Variants in RASGRP4 observed in about 807,000 individuals in gnomAD.
The protein encoded by RASGRP4 is RAS guanyl releasing protein 4.
In RASGRP4, 52 loss-of-function variants were observed where a neutral mutation model predicts 84.4. The observed-to-expected ratio is 0.62, with a 90% confidence interval of 0.49 to 0.78. RASGRP4 has a LOEUF of 0.78. Among genes scored for constraint, RASGRP4 ranks in the 30% least tolerant of loss-of-function variants. The probability of loss-of-function intolerance (pLI) is 0.00; values close to 1 mark genes in which losing one functional copy is unlikely to be tolerated. For missense variants in RASGRP4, 760 were observed against 886.9 expected, an observed-to-expected ratio of 0.86 and a Z score of 1.82; for synonymous variants, 356 against 359.1, an observed-to-expected ratio of 0.99 and a Z score of 0.10.
chr19:38,409,963 GC>G lies in RASGRP4; in HGVS notation c.*76del. ...TGCCTCTGGAGGCCTACCTCTGGGA[GC>G]CCTGCCAGAGTCTGACGGCAGGACT... On this transcript the variant is annotated 3_prime_UTR_variant, in exon 17 of 17. Transcript: ENST00000615439. The G allele has an allele frequency of 8.2e-7, 1 of 1,212,996 alleles. No homozygotes were observed. Among genetic ancestry groups the G allele is most frequent in the Non-Finnish European group, 1.2e-6 (1 of 851,942 alleles). The allele number at this position is 1,212,996 out of a possible 1,614,324, so 75.1% of individuals were successfully genotyped here. A position where few individuals can be genotyped will look rare whatever the true frequency, so the allele number is the denominator to read the frequency against.
Position 38,412,974 on chromosome 19 carries a change from A to G in RASGRP4, c.1492T>C (p.Phe498Leu). The G allele has an allele frequency of 6.2e-7, 1 of 1,613,992 alleles. No individual in the cohort carries two copies. Among genetic ancestry groups the G allele is most frequent in the Non-Finnish European group, 8.5e-7 (1 of 1,179,878 alleles). The change falls in exon 12 of 17, where the codon TTT (phenylalanine) becomes CTT (leucine). Residue 498 changes from phenylalanine (F) to leucine (L), a missense_variant. By Grantham distance (22) the Phe-to-Leu change is conservative. Coordinates refer to ENST00000615439, the MANE Select transcript of RASGRP4 (RefSeq NM_170604.3). The surrounding 1 kb of genome is among the most constrained non-coding windows in gnomAD (Gnocchi z 4.6). The stretch of plus-strand genomic sequence containing the variant: ...TGAAGCCCATGGCAGGCGAAGGGAA[A>G]ATTGCCCGAGAGTCGCTCAAAGTCC... Reference protein sequence around the residue: ...QEDFERLSGNFPFACHGLHPP... With the variant: ...QEDFERLSGNLPFACHGLHPP...
chr19:38,424,113 T>TTTTC (rs890671598), intron 1 of RASGRP4, among the ~76,000 whole-genome samples: 18 of 152,044 alleles, frequency 1.2e-4, no homozygotes, highest in South Asian at 4.2e-4. Context: ...GGGATTTCTT[T>TTTTC]TTTCTTTCTT....
chr19:38,410,080 A>G lies in RASGRP4; in HGVS notation c.1982T>C (p.Met661Thr), dbSNP rs1971160407. ...WETDTVPCPV[M>T]DPPSTASSKL... Reference sequence around the variant, plus strand: ...GGAGGATGCAGTTGATGGTGGGTCCATCACCGGGCAGGGGACCTGGAAGGA... The same window carrying G: ...GGAGGATGCAGTTGATGGTGGGTCCGTCACCGGGCAGGGGACCTGGAAGGA... Residue 661 changes from methionine to threonine, a missense_variant, in exon 17 of 17, where the codon ATG becomes ACG. Met to Thr is a moderately conservative substitution (Grantham distance 81). Transcript: ENST00000615439. 2 of 1,612,188 alleles carry G rather than the reference A, an allele frequency of 1.2e-6. No individual in the cohort carries two copies. The highest frequency in any genetic ancestry group is 1.7e-6 in the Non-Finnish European group (2 of 1,179,112).
chr19:38,410,716 T>G (rs1971205272), intron 16 of RASGRP4, among the ~76,000 whole-genome samples, 170 bp downstream of exon 16: 1 of 152,124 alleles, frequency 6.6e-6, no homozygotes, highest in African/African-American at 2.4e-5. Flanking sequence ...ACCCAGCCTA[T>G]TTTTCTATCA....
Position 38,410,071 on chromosome 19 carries a change from G to A in RASGRP4, c.1991C>T (p.Pro664Leu), listed in dbSNP as rs771612485. 5 of 1,612,240 alleles carry A rather than the reference G, an allele frequency of 3.1e-6. No individual in the cohort carries two copies. The Admixed American group carries it at 5.0e-5, about 16-fold the overall frequency. Residue 664 changes from proline (P) to leucine (L), a missense_variant, in exon 17 of 17, where the codon CCA becomes CTA. Coordinates refer to ENST00000615439, the MANE Select transcript of RASGRP4 (RefSeq NM_170604.3). ...DTVPCPVMDP[P>L]STASSKLDS ...ATCCAGCTTGGAGGATGCAGTTGAT[G>A]GTGGGTCCATCACCGGGCAGGGGAC... is the stretch of plus-strand genomic sequence containing the variant.
At position 38,418,159 on chromosome 19, in the gene RASGRP4, TGTCAC is replaced by T. The variant is rs368228819; in HGVS notation, c.837+227_837+231del. Among the ~76,000 whole-genome samples, 686 of 151,984 alleles carry T rather than the reference TGTCAC, an allele frequency of 4.5e-3. 5 individuals carry two copies. Among genetic ancestry groups the T allele is most frequent in the African/African-American group, 0.016 (661 of 41,442 alleles). Reference sequence around the variant, plus strand: ...TATTCGGGCATAGGGCTTGGGAGCCTGTCACGTCTAGGGCCAAGGGGTGGGGCCAC... The same window carrying T: ...TATTCGGGCATAGGGCTTGGGAGCCTGTCTAGGGCCAAGGGGTGGGGCCAC... On this transcript the variant is annotated intron_variant, in intron 7 of 16. Transcript: ENST00000615439. This position sits in a 1 kb window ranked among gnomAD's most constrained non-coding sequence, Gnocchi z 4.6.
Position 38,417,305 on chromosome 19 carries a change from G to T in RASGRP4, c.838-137C>A. The T allele has an allele frequency of 1.5e-6, 1 of 656,084 alleles. No homozygotes were observed. Among genetic ancestry groups the T allele is most frequent in the South Asian group, 1.7e-5 (1 of 57,496 alleles). The allele number at this position is 656,084 out of a possible 1,614,324, so 40.6% of individuals were successfully genotyped here. A position where few individuals can be genotyped will look rare whatever the true frequency, so the allele number is the denominator to read the frequency against. ...GGGATCAGACAGGTGAGAGAAGGCG[G>T]GTGTGTGCGGCAAGAGTGGGACATG... is the stretch of plus-strand genomic sequence containing the variant. On this transcript the variant is annotated intron_variant, in intron 7 of 16. Transcript: ENST00000615439. The surrounding 1 kb of genome is among the most constrained non-coding windows in gnomAD (Gnocchi z 5.1).
At chr19:38,422,822 T>G (rs1230667461) in intron 1 of RASGRP4, among the ~76,000 whole-genome samples, 2 of 151,992 alleles carry the variant, frequency 1.3e-5, no homozygotes, top group Non-Finnish European at 2.9e-5. Flanking sequence ...AGGATACATG[T>G]AATTAACTTG....
chr19:38,410,127 CAG>C, intron 16 of RASGRP4, 31 bp from the exon 17 acceptor site: 1 of 1,584,038 alleles, frequency 6.3e-7, no homozygotes, highest in Non-Finnish European at 8.7e-7. Flanking sequence ...AGAAAGATGA[CAG>C]ATGATGTGGG....
In RASGRP4 at chr19:38,412,808, G is replaced by C; in HGVS notation, c.1544C>G (p.Ser515Cys). The change falls in exon 13 of 17, where the codon TCC (serine) becomes TGC (cysteine). Residue 515 changes from serine to cysteine, a missense_variant. Ser to Cys is a moderately radical substitution (Grantham distance 112). Transcript: ENST00000615439. The surrounding 1 kb of genome is among the most constrained non-coding windows in gnomAD (Gnocchi z 4.6). ...CCCTGTCAGCTCCTCTCTGCTGAAG[G>C]ATCCTCTCCTGGGGGCAGAAACTGA... ...LHPPPRQGRG[S>C]FSREELTGYL... The C allele has an allele frequency of 6.2e-7, 1 of 1,608,178 alleles. No homozygotes were observed.
chr19:38,409,904 G>T lies in RASGRP4; in HGVS notation c.*136C>A. ...ACTTCCAGGGAAAAAGATGACGGAC[G>T]TACCACTAAAGGCAGTGTGGATGGG... On this transcript the variant is annotated 3_prime_UTR_variant, in exon 17 of 17. Coordinates refer to ENST00000615439, the MANE Select transcript of RASGRP4 (RefSeq NM_170604.3). 1 of 605,102 alleles carries T rather than the reference G, an allele frequency of 1.7e-6. No homozygotes were observed. Among genetic ancestry groups the T allele is most frequent in the Non-Finnish European group, 2.9e-6 (1 of 340,338 alleles). 37.5% of individuals were successfully genotyped at this position (605,102 alleles called of 1,614,324 possible).
At chr19:38,425,834 G>A (rs1211976794) in intron 1 of RASGRP4, among the ~76,000 whole-genome samples, 2 of 152,166 alleles carry the variant, frequency 1.3e-5, no homozygotes, top group African/African-American at 4.8e-5. Context: ...GTGATGAGGA[G>A]TGGAAAAGGG....
intron 16 of RASGRP4, among the ~76,000 whole-genome samples, chr19:38,410,414 C>CTTTTTTTTT (rs1001083743): frequency 7.4e-6 from 1 of 136,052 alleles, no homozygotes; most frequent in African/African-American, 2.8e-5. Flanking sequence ...TTCTATTTTT[C>CTTTTTTTTT]TTTTTTTTTT....
chr19:38,418,272 G>A lies in RASGRP4; in HGVS notation c.837+119C>T, dbSNP rs1971587313. On this transcript the variant is annotated intron_variant, in intron 7 of 16. Coordinates refer to ENST00000615439, the MANE Select transcript of RASGRP4 (RefSeq NM_170604.3). The surrounding 1 kb of genome is among the most constrained non-coding windows in gnomAD (Gnocchi z 4.6). ...ATGCCCAGGCTGTGGCCTCGGGGGCGGGGCCGGGAGATGCGTGACGTCACC... is the reference window on the plus strand; with the variant it reads ...ATGCCCAGGCTGTGGCCTCGGGGGCAGGGCCGGGAGATGCGTGACGTCACC... The A allele has an allele frequency of 1.9e-6, 2 of 1,051,382 alleles. No homozygotes were observed. The highest frequency in any genetic ancestry group is 2.6e-5 in the East Asian group (1 of 38,320). 65.1% of individuals were successfully genotyped at this position (1,051,382 alleles called of 1,614,324 possible).
At chr19:38,420,526 G>A (rs1046450209) in intron 4 of RASGRP4, among the ~76,000 whole-genome samples, 4 of 151,530 alleles carry the variant, frequency 2.6e-5, no homozygotes, top group Non-Finnish European at 5.9e-5. Context: ...AAGCAAGATC[G>A]TGGAGCGTCC....
Position 38,415,092 on chromosome 19 carries a change from G to T in RASGRP4, c.986C>A (p.Ser329Tyr). Residue 329 changes from serine to tyrosine, a missense_variant, in exon 9 of 17, where the codon TCC (serine) becomes TAC (tyrosine). Ser to Tyr is a moderately radical substitution (Grantham distance 144, BLOSUM62 -2). Coordinates refer to ENST00000615439, the MANE Select transcript of RASGRP4 (RefSeq NM_170604.3). ...GCGGTAGCGGGCGTAGTTGTTGTGG[G>T]AGGCAAGGAGCTCAGTGAGCTCCAG... ...ALLELTELLA[S>Y]HNNYARYRRT... The T allele has an allele frequency of 6.3e-7, 1 of 1,599,798 alleles. No homozygotes were observed. The highest frequency in any genetic ancestry group is 8.5e-7 in the Non-Finnish European group (1 of 1,173,176).
intron 4 of RASGRP4, 21 bp from the exon 5 acceptor site, chr19:38,420,283 G>A (rs763269201): frequency 3.7e-6 from 6 of 1,611,170 alleles, no homozygotes; most frequent in East Asian, 2.2e-5. Context: ...TTTGGAGATG[G>A]TGAGATGAGG....
At position 38,422,095 on chromosome 19, in the gene RASGRP4, G is replaced by A. The variant is rs766087172; in HGVS notation, c.82C>T (p.Arg28Cys). 3.7e-6 allele frequency: 6 copies of A among 1,613,354 alleles called. No individual in the cohort carries two copies. Among genetic ancestry groups the A allele is most frequent in the East Asian group, 2.2e-5 (1 of 44,856 alleles). Residue 28 changes from arginine to cysteine, a missense_variant, in exon 2 of 17, where the codon CGC (arginine) becomes TGC (cysteine). Transcript: ENST00000615439. ...IGGRGRPRQV[R>C]RHKTCPSPRE... ...GGGCTGGGGCATGTCTTGTGGCGGCGCACTTGGCGGGGCCGGCCTCGCCCT... is the reference window on the plus strand; with the variant it reads ...GGGCTGGGGCATGTCTTGTGGCGGCACACTTGGCGGGGCCGGCCTCGCCCT...
chr19:38,411,649 G>A (rs375124880), intron 13 of RASGRP4: 20 of 440,086 alleles, frequency 4.5e-5, no homozygotes, highest in Admixed American at 3.5e-4. Flanking sequence ...AACCATGATC[G>A]TACCACGGCA....
Sources: allele counts gnomAD v4.1 joint callset (sites outside exome capture counted in the v4.1 genomes callset), GRCh38; gene constraint gnomAD v4.1.1; non-coding constraint Gnocchi (gnomAD v3.1); transcripts MANE v1.5; gene names NCBI Gene and HGNC (gene_info 2026-07-23, HGNC 2026-07-21).